MTAP: variants seen among roughly 807,000 people sequenced by gnomAD.
MTAP encodes methylthioadenosine phosphorylase.
MTAP carries 33 observed loss-of-function variants against 33.6 expected under a neutral mutation model. The observed-to-expected ratio is 0.98, with a 90% CI of 0.74 to 1.31. The LOEUF is 1.31. MTAP is among the 40% of genes most tolerant of loss of function. The pLI, the probability that MTAP is intolerant of heterozygous loss-of-function variation, is 0.00. For synonymous variants in MTAP, 148 were observed against 125.7 expected, an observed-to-expected ratio of 1.18 and a Z score of -1.19; for missense variants, 367 against 360.0, an observed-to-expected ratio of 1.02 and a Z score of -0.16.
intron 5 of MTAP, among the ~76,000 whole-genome samples, chr9:21,844,788 A>C (rs759798498): frequency 6.6e-6 from 1 of 152,224 alleles, no homozygotes; most frequent in Admixed American, 6.5e-5. Context: ...TAATCCCAGC[A>C]CTTTGGGAGG....
At chr9:21,816,617 CTT>C (rs1402524135) in intron 2 of MTAP, 95 bp from the exon 3 acceptor site, 1 of 1,016,260 alleles carries the variant, frequency 9.8e-7, no homozygotes, top group African/African-American at 1.6e-5. Flanking sequence ...TCCTCAGACT[CTT>C]CAGATTCCAT....
At chr9:21,915,086 TTTC>T (rs1818664750) in intron 1 of MTAP, among the ~76,000 whole-genome samples, 2 of 139,126 alleles carry the variant, frequency 1.4e-5, no homozygotes, top group South Asian at 2.3e-4. Context: ...CTTTCTTTCC[TTTC>T]TTTCTTTTCT....
At chr9:21,836,373 G>A (rs1026214044) in intron 4 of MTAP, among the ~76,000 whole-genome samples, 2 of 152,150 alleles carry the variant, frequency 1.3e-5, no homozygotes, top group African/African-American at 2.4e-5. Flanking sequence ...AGGTTAAAAA[G>A]TTCAAAACAA....
chr9:21,894,446 A>G (rs898541758), intron 1 of MTAP, among the ~76,000 whole-genome samples: 88 of 152,160 alleles, frequency 5.8e-4, no homozygotes, highest in African/African-American at 1.7e-3. Context: ...CCAAATAGAA[A>G]AAAAAGAAGT....
Position 21,864,120 on chromosome 9 carries a change from T to C in MTAP, c.*2106T>C, listed in dbSNP as rs1467934631. ...AAAAGTATGGGCATTTTTCTTGCTA[T>C]GTTCAGAAAGTACAGTTCTCTCCAA... On this transcript the variant is annotated 3_prime_UTR_variant, in exon 8 of 8. Coordinates refer to ENST00000644715, the MANE Select transcript of MTAP (RefSeq NM_002451.4). The C allele has an allele frequency of 1.0e-6, 1 of 985,356 alleles. No individual in the cohort carries two copies. The allele number at this position is 985,356 out of a possible 1,614,324, so 61.0% of individuals were successfully genotyped here.
chr9:21,924,206 G>A (rs1012043813), intron 1 of MTAP, among the ~76,000 whole-genome samples: 1 of 152,034 alleles, frequency 6.6e-6, no homozygotes, highest in Non-Finnish European at 1.5e-5. Flanking sequence ...AGGATAATAG[G>A]GAAATAAAAG....
At chr9:21,827,764 A>G (rs750421577) in intron 4 of MTAP, among the ~76,000 whole-genome samples, 2 of 152,228 alleles carry the variant, frequency 1.3e-5, no homozygotes, top group Non-Finnish European at 2.9e-5. Flanking sequence ...ATAGAGAGAT[A>G]GGCTGGAGTT....
intron 4 of MTAP, among the ~76,000 whole-genome samples, chr9:21,836,953 T>C (rs1320895727): frequency 1.3e-5 from 2 of 152,228 alleles, no homozygotes; most frequent in African/African-American, 2.4e-5. Context: ...CATCATGTTA[T>C]CTACCTGCCC....
At chr9:21,874,854 A>T (rs959275369) in intron 1 of MTAP, among the ~76,000 whole-genome samples, 4 of 151,656 alleles carry the variant, frequency 2.6e-5, no homozygotes, top group African/African-American at 9.7e-5. Flanking sequence ...CCTAGCCCAC[A>T]CCCTGACAGG....
At chr9:21,837,264 A>C (rs1825134914) in intron 4 of MTAP, among the ~76,000 whole-genome samples, 1 of 152,188 alleles carries the variant, frequency 6.6e-6, no homozygotes, top group South Asian at 2.1e-4. Flanking sequence ...GTGGCTCTTT[A>C]TTTCAGTGGG....
In MTAP at chr9:21,818,154, A is replaced by T; in HGVS notation, c.299A>T (p.Glu100Val). The stretch of plus-strand genomic sequence containing the variant: ...ACCACAGCTTGTGGCTCCTTGAGGG[A>T]GGAGATTCAGCCCGGCGATATTGTC... The part of the protein sequence containing the change: ...IVTTACGSLR[E>V]EIQPGDIVII... The change falls in exon 4 of 8, where the codon GAG (glutamate) becomes GTG (valine). Residue 100 changes from glutamate (E) to valine (V), a missense_variant. Transcript: ENST00000644715. 1 of 1,613,880 alleles carries T rather than the reference A, an allele frequency of 6.2e-7. No homozygotes were observed. The highest frequency in any genetic ancestry group is 2.2e-5 in the East Asian group (1 of 44,856).
rs1184598054 is a variant in MTAP at position 21,862,105 on chromosome 9, A to G, written c.*91A>G. 3.7e-6 allele frequency: 6 copies of G among 1,607,222 alleles called. No individual in the cohort carries two copies. The highest frequency in any genetic ancestry group is 3.4e-5 in the Admixed American group (2 of 58,996). ...AACTTGAAAAAAATATGGGAAAGAC[A>G]TGCAGCTTTCATGCCCTTGCCTATC... On this transcript the variant is annotated 3_prime_UTR_variant, in exon 8 of 8. Transcript: ENST00000644715.
At chr9:21,910,179 A>G (rs1818547433) in intron 1 of MTAP, among the ~76,000 whole-genome samples, 1 of 152,184 alleles carries the variant, frequency 6.6e-6, no homozygotes, top group Non-Finnish European at 1.5e-5. Flanking sequence ...ATCATTTATT[A>G]AAAATATGTA....
intron 4 of MTAP, among the ~76,000 whole-genome samples, chr9:21,837,040 A>C (rs1825126752): frequency 1.3e-5 from 2 of 152,188 alleles, no homozygotes; most frequent in South Asian, 4.1e-4. Context: ...AATTTAGAAT[A>C]ATTGAATGCA....
chr9:21,819,590 G>T (rs909876115), intron 4 of MTAP, among the ~76,000 whole-genome samples: 1 of 152,068 alleles, frequency 6.6e-6, no homozygotes, highest in African/African-American at 2.4e-5. Flanking sequence ...GAATAGTGCC[G>T]CAATAAACAT....
downstream of MTAP, chr9:21,931,392 G>A: frequency 2.1e-6 from 1 of 484,026 alleles, no homozygotes; most frequent in Non-Finnish European, 3.6e-6. Context: ...TGTCAGGTGA[G>A]CATCAGATGA....
chr9:21,890,906 TAAGCCTCCACATACTGTTCTGTTCGTCC>T (rs1818191479), intron 1 of MTAP, among the ~76,000 whole-genome samples: 1 of 152,176 alleles, frequency 6.6e-6, no homozygotes, highest in African/African-American at 2.4e-5. Context: ...GTTTATGATG[TAAGCCTCCACATACTGTTCTGTTCGTCC>T]AAGTGGGAGC....
At chr9:21,828,671 A>G (rs1004914084) in intron 4 of MTAP, among the ~76,000 whole-genome samples, 1 of 152,190 alleles carries the variant, frequency 6.6e-6, no homozygotes, top group African/African-American at 2.4e-5. Context: ...GTGAAACTCC[A>G]TCTCAAAAAA....
intron 5 of MTAP, among the ~76,000 whole-genome samples, chr9:21,839,359 A>G (rs757062611): frequency 9.9e-5 from 15 of 152,160 alleles, no homozygotes; most frequent in Non-Finnish European, 2.1e-4. Context: ...GTCCACTTCA[A>G]AATGGGGGCA....
Sources: allele counts gnomAD v4.1 joint callset (sites outside exome capture counted in the v4.1 genomes callset), GRCh38; gene constraint gnomAD v4.1.1; transcripts MANE v1.5; gene names NCBI Gene and HGNC (gene_info 2026-07-23, HGNC 2026-07-21).